The following SHOX variants were observed in gnomAD, a reference collection of about 807,000 sequenced individuals.
SHOX encodes the protein short stature homeobox protein.
SHOX carries 12 observed loss-of-function variants against 29.6 expected under a neutral mutation model. That is an observed-to-expected ratio of 0.41 (90% CI 0.26 to 0.66). SHOX has a LOEUF of 0.66. Ranked by LOEUF, SHOX falls within the 30% of genes least tolerant of loss-of-function variation. The pLI, the probability that SHOX is intolerant of heterozygous loss-of-function variation, is 0.35. For missense variants in SHOX, 499 were observed against 437.7 expected, an observed-to-expected ratio of 1.14 and a Z score of -1.25; for synonymous variants, 214 against 200.6, an observed-to-expected ratio of 1.07 and a Z score of -0.57.
intron 2 of SHOX, among the ~76,000 whole-genome samples, chrX:637,627 G>A (rs572209546): frequency 2.0e-5 from 3 of 152,262 alleles, no homozygotes; most frequent in South Asian, 4.2e-4. Context: ...GCCGCGGGGG[G>A]AAAGGATCCT....
chrX:627,466 G>C (rs2052558886), upstream of SHOX, among the ~76,000 whole-genome samples: 1 of 152,202 alleles, frequency 6.6e-6, no homozygotes, highest in African/African-American at 2.4e-5. Flanking sequence ...CCCACAGGAA[G>C]AGTTGGAGTT....
Position 644,324 on chromosome X carries a change from G to T in SHOX, c.634-67G>T, listed in dbSNP as rs1044010126. 7.6e-6 allele frequency: 11 copies of T among 1,451,720 alleles called. 1 individual carries two copies. The Admixed American group carries it at 2.1e-4, about 28-fold the overall frequency. 89.9% of individuals were successfully genotyped at this position (1,451,720 alleles called of 1,614,324 possible). ...AGAGGCACGTTGGAGGTTTCCGGGGGCGCGGGGCGGAGCAGGCCCCCCAGT... is the reference window on the plus strand; with the variant it reads ...AGAGGCACGTTGGAGGTTTCCGGGGTCGCGGGGCGGAGCAGGCCCCCCAGT... On this transcript the variant is annotated intron_variant, in intron 4 of 4. Transcript: ENST00000686671.
At position 651,140 on chromosome X, in the gene SHOX, G is replaced by A. The variant is rs1270723257; in HGVS notation, c.*6504G>A. The A allele has an allele frequency of 8.1e-6, 3 of 369,656 alleles. No homozygotes were observed. Among genetic ancestry groups the A allele is most frequent in the South Asian group, 4.1e-5 (2 of 48,240 alleles). 22.9% of individuals were successfully genotyped at this position (369,656 alleles called of 1,614,324 possible). A position where few individuals can be genotyped will look rare whatever the true frequency, so the allele number is the denominator to read the frequency against. ...TCCTTGGTCGGACGTTCATAAATATGTACTATTTTAATTATGTCGAGTGTA... is the reference window on the plus strand; with the variant it reads ...TCCTTGGTCGGACGTTCATAAATATATACTATTTTAATTATGTCGAGTGTA... On this transcript the variant is annotated 3_prime_UTR_variant, in exon 5 of 5. Transcript: ENST00000686671.
chrX:643,552 A>G (rs868378599), intron 4 of SHOX, among the ~76,000 whole-genome samples: 1,162 of 22,874 alleles, frequency 0.051, no homozygotes, highest in Middle Eastern at 0.14. Flanking sequence ...TTGGGGACCT[A>G]GTGACCCGGG....
downstream of SHOX, among the ~76,000 whole-genome samples, chrX:655,142 T>G (rs1158078314): frequency 6.6e-6 from 1 of 151,752 alleles, no homozygotes; most frequent in East Asian, 2.0e-4. Context: ...GGAGTCTTGC[T>G]CTGTCACCAG....
chrX:630,495 A>G, upstream of SHOX: 1 of 303,402 alleles, frequency 3.3e-6, no homozygotes. Flanking sequence ...TCCTCCGGCC[A>G]CGGAGAGAAC....
chrX:627,595 A>G (rs1369196868), upstream of SHOX, among the ~76,000 whole-genome samples: 1 of 152,222 alleles, frequency 6.6e-6, no homozygotes, highest in South Asian at 2.1e-4. Context: ...ACTTGTCTGC[A>G]GTGAGAATTA....
At chrX:632,017 C>T (rs1056252050) in intron 1 of SHOX, 1 of 455,876 alleles carries the variant, frequency 2.2e-6, no homozygotes, top group Non-Finnish European at 4.4e-6. Context: ...CGGGTCAGCT[C>T]GGTTCTGTTT....
At chrX:624,480 T>G (rs2052464274) in exon 1 of SHOX, 1 of 151,410 alleles carries the variant, frequency 6.6e-6, no homozygotes, top group South Asian at 2.1e-4. Context: ...TAGGAGCGGA[T>G]CAGACGCCCA....
Position 634,796 on chromosome X carries a change from G to A in SHOX, c.456G>A (p.Gln152=), listed in dbSNP as rs775371500. ...CCTTCATGCGCGAGGAGCTCAGCCA[G>A]CGCCTGGGGCTCTCCGAGGCGCGCG... ...PDAFMREELS[Q]RLGLSEARVQ... is the part of the protein sequence containing the mutation. The change falls in exon 2 of 5, where the codon CAG becomes CAA. Residue 152 remains glutamine (Q), a synonymous_variant. Coordinates refer to ENST00000686671, the MANE Select transcript of SHOX (RefSeq NM_000451.4). The A allele has an allele frequency of 6.3e-7, 1 of 1,591,696 alleles. No homozygotes were observed. Among genetic ancestry groups the A allele is most frequent in the East Asian group, 2.3e-5 (1 of 43,890 alleles).
At chrX:632,872 G>C (rs1193911334) in intron 1 of SHOX, among the ~76,000 whole-genome samples, 1 of 152,154 alleles carries the variant, frequency 6.6e-6, no homozygotes, top group Non-Finnish European at 1.5e-5. Flanking sequence ...GGTTCGCAGC[G>C]CCCGGCGGCC....
intron 4 of SHOX, among the ~76,000 whole-genome samples, chrX:643,214 G>A (rs1023857567): frequency 2.1e-5 from 3 of 142,742 alleles, no homozygotes; most frequent in Non-Finnish European, 3.1e-5. Context: ...TCTGGAAGAG[G>A]CTTGGACACC....
Position 649,859 on chromosome X carries a change from C to T in SHOX, c.*5223C>T. ...CGCCGCAGTTGAGCAAAAAACACTTCTTCCTTTGAGTGGCTGTTCTGGTGA... is the reference window on the plus strand; with the variant it reads ...CGCCGCAGTTGAGCAAAAAACACTTTTTCCTTTGAGTGGCTGTTCTGGTGA... On this transcript the variant is annotated 3_prime_UTR_variant, in exon 5 of 5. Transcript: ENST00000686671. The T allele has an allele frequency of 4.4e-6, 2 of 454,638 alleles. No individual in the cohort carries two copies. Among genetic ancestry groups the T allele is most frequent in the South Asian group, 1.6e-5 (1 of 64,328 alleles). The allele number at this position is 454,638 out of a possible 1,614,324, so 28.2% of individuals were successfully genotyped here.
chrX:631,956 C>A, intron 1 of SHOX: 1 of 456,094 alleles, frequency 2.2e-6, no homozygotes, highest in Non-Finnish European at 4.4e-6. Context: ...TGCCGGGCCC[C>A]CGGAGATCAC....
intron 4 of SHOX, among the ~76,000 whole-genome samples, chrX:643,528 G>GA (rs779547381): frequency 7.7e-5 from 11 of 143,706 alleles, no homozygotes; most frequent in African/African-American, 2.7e-4. Context: ...GGGACCTGGT[G>GA]TCTCGGGAGT....
In SHOX at chrX:650,473, C is replaced by T. The variant is rs1188572705; in HGVS notation, c.*5837C>T. Among the ~76,000 whole-genome samples, 8 of 152,098 alleles carry T rather than the reference C, an allele frequency of 5.3e-5. No homozygotes were observed. In the East Asian group the frequency reaches 7.7e-4, roughly 15 times the overall value. On this transcript the variant is annotated 3_prime_UTR_variant, in exon 5 of 5. Transcript: ENST00000686671. ...ACCGCAGAGTCTGGGGACAGCTGGG[C>T]GTTTAACCGAAATGAAGCCGAGACG...
rs372634110 is a variant in SHOX at position 648,889 on chromosome X, CTCCTTCCT to C, written c.*4267_*4274del. Among the ~76,000 whole-genome samples, 53 of 141,966 alleles carry C rather than the reference CTCCTTCCT, an allele frequency of 3.7e-4. No individual in the cohort carries two copies. The highest frequency in any genetic ancestry group is 3.5e-3 in the Middle Eastern group (1 of 288). The allele number at this position is 141,966 out of a possible 152,430, so 93.1% of individuals were successfully genotyped here. A position where few individuals can be genotyped will look rare whatever the true frequency, so the allele number is the denominator to read the frequency against. Reference sequence around the variant, plus strand: ...ACCAACGCCCTCTTCTCTCTCCCTTCTCCTTCCTTCCTTCCTTCCTTTCTTTCTTTTTC... The same window carrying C: ...ACCAACGCCCTCTTCTCTCTCCCTTCTCCTTCCTTCCTTTCTTTCTTTTTC... On this transcript the variant is annotated 3_prime_UTR_variant, in exon 5 of 5. Transcript: ENST00000686671.
downstream of SHOX, among the ~76,000 whole-genome samples, chrX:655,784 T>A (rs2053138747): frequency 6.6e-6 from 1 of 151,896 alleles, no homozygotes; most frequent in South Asian, 2.1e-4. Context: ...TCTGTTCGTG[T>A]TTAAAGAGCT....
chrX:629,142 CCTGT>C (rs1481090110), upstream of SHOX, among the ~76,000 whole-genome samples: 2 of 143,186 alleles, frequency 1.4e-5, no homozygotes, highest in African/African-American at 2.6e-5. Context: ...TCTGTCTCTC[CCTGT>C]CTGTTTCTCT....
Sources: allele counts gnomAD v4.1 joint callset (sites outside exome capture counted in the v4.1 genomes callset), GRCh38; gene constraint gnomAD v4.1.1; transcripts MANE v1.5; gene names NCBI Gene and HGNC (gene_info 2026-07-23, HGNC 2026-07-21).